Variants in TESK2 observed in about 807,000 individuals in gnomAD.
TESK2 encodes the protein testis associated actin remodelling kinase 2.
TESK2 carries 39 observed loss-of-function variants against 57.1 expected under a neutral mutation model. That is an observed-to-expected ratio of 0.68 (90% CI 0.53 to 0.89). The LOEUF is 0.89. Among genes scored for constraint, TESK2 ranks in the 40% least tolerant of loss-of-function variants. The pLI, the probability that TESK2 is intolerant of heterozygous loss-of-function variation, is 0.00. For synonymous variants in TESK2, 249 were observed against 267.9 expected (o/e 0.93, Z 0.69); for missense variants, 646 against 732.1 (o/e 0.88, Z 1.36).
chr1:45,417,394 G>T (rs1650287859), intron 3 of TESK2, among the ~76,000 whole-genome samples: 1 of 151,914 alleles, frequency 6.6e-6, no homozygotes, highest in South Asian at 2.1e-4. Context: ...ACCACACCCG[G>T]CTAATTTTAT....
At chr1:45,442,947 G>A (rs1235733628) in intron 2 of TESK2, among the ~76,000 whole-genome samples, 2 of 152,078 alleles carry the variant, frequency 1.3e-5, no homozygotes, top group African/African-American at 4.8e-5. Context: ...CATCGCACCT[G>A]GCTAATTTTA....
intron 4 of TESK2, among the ~76,000 whole-genome samples, chr1:45,371,631 G>C (rs1180428960): frequency 6.6e-6 from 1 of 152,172 alleles, no homozygotes; most frequent in Admixed American, 6.5e-5. Context: ...AGGAGGCTGA[G>C]GTGGGCGAAT....
chr1:45,467,773 C>T (rs1285699918), intron 1 of TESK2, among the ~76,000 whole-genome samples: 1 of 152,096 alleles, frequency 6.6e-6, no homozygotes, highest in East Asian at 1.9e-4. Flanking sequence ...TTTTATTCTG[C>T]TAAATTTCCA....
intron 3 of TESK2, among the ~76,000 whole-genome samples, chr1:45,401,653 T>C (rs976123376): frequency 6.6e-6 from 1 of 152,030 alleles, no homozygotes; most frequent in Non-Finnish European, 1.5e-5. Context: ...AAAATGAGGT[T>C]TGGAGTATTT....
intron 2 of TESK2, among the ~76,000 whole-genome samples, chr1:45,432,329 T>G (rs1220217214): frequency 6.6e-6 from 1 of 151,724 alleles, no homozygotes; most frequent in Non-Finnish European, 1.5e-5. Context: ...GCCACTACAC[T>G]AGGCCGAGTA....
At chr1:45,348,098 T>G (rs900859345) in intron 5 of TESK2, 98 bp from the exon 6 acceptor site, 2 of 827,492 alleles carry the variant, frequency 2.4e-6, no homozygotes, top group Non-Finnish European at 4.1e-6. Flanking sequence ...ACAGGGCACC[T>G]TGTCCTCTGC....
intron 2 of TESK2, among the ~76,000 whole-genome samples, chr1:45,453,925 T>C (rs1651972341): frequency 6.6e-6 from 1 of 152,144 alleles, no homozygotes; most frequent in Non-Finnish European, 1.5e-5. Flanking sequence ...AGATGCTCAA[T>C]ATCACTAGTT....
At chr1:45,395,354 T>TAGACAACTGC (rs1268856920) in intron 3 of TESK2, among the ~76,000 whole-genome samples, 1 of 152,174 alleles carries the variant, frequency 6.6e-6, no homozygotes, top group Non-Finnish European at 1.5e-5. Context: ...CTGAATACTG[T>TAGACAACTGC]AGACAACTGC....
chr1:45,353,927 G>A (rs930891094), intron 5 of TESK2, among the ~76,000 whole-genome samples: 1 of 152,156 alleles, frequency 6.6e-6, no homozygotes, highest in Non-Finnish European at 1.5e-5. Flanking sequence ...TGCCAAAGAG[G>A]AACTGGCAGG....
chr1:45,480,103 C>T (rs1409664413), intron 1 of TESK2, among the ~76,000 whole-genome samples: 13 of 150,218 alleles, frequency 8.7e-5, no homozygotes, highest in Non-Finnish European at 1.8e-4. Flanking sequence ...GGATTATAGG[C>T]GTGAGCCACC....
At chr1:45,348,302 A>C (rs771087944) in intron 5 of TESK2, among the ~76,000 whole-genome samples, 1 of 152,206 alleles carries the variant, frequency 6.6e-6, no homozygotes. Flanking sequence ...GATGAAAACA[A>C]CCAAAACCCT....
At chr1:45,361,515 A>C (rs1314833378) in intron 4 of TESK2, among the ~76,000 whole-genome samples, 1 of 152,206 alleles carries the variant, frequency 6.6e-6, no homozygotes, top group Non-Finnish European at 1.5e-5. Flanking sequence ...CCTATACCAA[A>C]ACTTGCCTCA....
chr1:45,418,137 T>C lies in TESK2; in HGVS notation c.344+3588A>G, dbSNP rs1299529657. ...TACATGCTGAGATTAAGGGCAAGTT[T>C]TATTTTCTTTTTCTTACTAATTCTA... On this transcript the variant is annotated intron_variant, in intron 3 of 10. Coordinates refer to ENST00000372086, the MANE Select transcript of TESK2 (RefSeq NM_007170.3). 2.6e-5 allele frequency among the ~76,000 whole-genome samples: 4 copies of C among 152,340 alleles called. No individual in the cohort carries two copies. In the East Asian group the frequency reaches 7.7e-4, roughly 29 times the overall value.
chr1:45,429,356 A>G (rs990430942), intron 2 of TESK2, among the ~76,000 whole-genome samples: 2 of 152,014 alleles, frequency 1.3e-5, no homozygotes, highest in African/African-American at 4.8e-5. Context: ...AGATTGTGCC[A>G]TTGCACTCCA....
At chr1:45,485,260 C>T (rs1653417047) in intron 1 of TESK2, among the ~76,000 whole-genome samples, 1 of 149,596 alleles carries the variant, frequency 6.7e-6, no homozygotes, top group Non-Finnish European at 1.5e-5. Context: ...GCGATCTCGG[C>T]TCACTGAAGC....
At chr1:45,449,794 G>C (rs2149297045) in intron 2 of TESK2, among the ~76,000 whole-genome samples, 1 of 152,196 alleles carries the variant, frequency 6.6e-6, no homozygotes, top group African/African-American at 2.4e-5. Context: ...CTCATCTCGA[G>C]TTTATTTCAG....
At chr1:45,441,361 G>A (rs997491507) in intron 2 of TESK2, among the ~76,000 whole-genome samples, 1 of 151,930 alleles carries the variant, frequency 6.6e-6, no homozygotes, top group African/African-American at 2.4e-5. Context: ...ATAGAGATGG[G>A]GTTTTGCCAT....
intron 1 of TESK2, among the ~76,000 whole-genome samples, chr1:45,488,918 T>C (rs776473878): frequency 2.0e-5 from 3 of 152,104 alleles, no homozygotes; most frequent in African/African-American, 7.2e-5. Flanking sequence ...CCCCAGCTCT[T>C]TGGGAGGCCG....
chr1:45,409,416 A>G (rs1393950379), intron 3 of TESK2, among the ~76,000 whole-genome samples: 7 of 152,200 alleles, frequency 4.6e-5, no homozygotes, highest in Admixed American at 1.3e-4. Context: ...GGTTAGAATG[A>G]TGTAAGAAAA....
Sources: allele counts gnomAD v4.1 joint callset (sites outside exome capture counted in the v4.1 genomes callset), GRCh38; gene constraint gnomAD v4.1.1; transcripts MANE v1.5; gene names NCBI Gene and HGNC (gene_info 2026-07-23, HGNC 2026-07-21).